FBXO36: variants seen among roughly 807,000 people sequenced by gnomAD.
FBXO36 encodes F-box protein 36, also known as F-box only protein 36.
FBXO36 carries 18 observed loss-of-function variants against 17.0 expected under a neutral mutation model. The ratio of observed to expected loss-of-function variants is 1.06; its 90% CI spans 0.73 to 1.57. The LOEUF (loss-of-function observed/expected upper bound fraction) is 1.57. Ranked by LOEUF, FBXO36 falls within the 40% of genes most tolerant of loss-of-function variation. The probability of loss-of-function intolerance (pLI) is 0.00; values close to 1 mark genes in which losing one functional copy is unlikely to be tolerated. For synonymous variants in FBXO36, 83 were observed against 85.3 expected, an observed-to-expected ratio of 0.97 and a Z score of 0.15; for missense variants, 229 against 221.9, an observed-to-expected ratio of 1.03 and a Z score of -0.20.
At chr2:229,975,893 C>T (rs914590549) in intron 1 of FBXO36, among the ~76,000 whole-genome samples, 2 of 151,846 alleles carry the variant, frequency 1.3e-5, no homozygotes, top group African/African-American at 2.4e-5. Context: ...CTGCAACCTC[C>T]GTCTCTAGTG....
At chr2:229,978,979 C>A (rs2077224214) in intron 2 of FBXO36, among the ~76,000 whole-genome samples, 1 of 151,926 alleles carries the variant, frequency 6.6e-6, no homozygotes, top group African/African-American at 2.4e-5. Context: ...GAGTTTGAGA[C>A]CAGCCTGGCC....
At chr2:229,942,746 T>C (rs2077006326) in intron 1 of FBXO36, 1 of 152,312 alleles carries the variant, frequency 6.6e-6, no homozygotes, top group South Asian at 2.1e-4. Context: ...AAAGGCTCAG[T>C]TCTGAGCCTC....
chr2:229,986,372 G>C (rs535755328), intron 2 of FBXO36, among the ~76,000 whole-genome samples: 1 of 151,962 alleles, frequency 6.6e-6, no homozygotes, highest in Non-Finnish European at 1.5e-5. Context: ...GTGGATTCAC[G>C]TTCACCTGTG....
intron 3 of FBXO36, among the ~76,000 whole-genome samples, chr2:230,008,916 T>C (rs1277789975): frequency 6.6e-6 from 1 of 152,222 alleles, no homozygotes; most frequent in East Asian, 1.9e-4. Flanking sequence ...TATGATTCAG[T>C]GTTGCTGTTT....
chr2:229,958,661 A>G (rs1435588734), intron 1 of FBXO36, among the ~76,000 whole-genome samples: 1 of 152,066 alleles, frequency 6.6e-6, no homozygotes, highest in Non-Finnish European at 1.5e-5. Context: ...ATGTGTTAGA[A>G]TTGTTGGTGT....
chr2:229,976,268 C>T lies in FBXO36; in HGVS notation c.124C>T (p.Leu42=), dbSNP rs760595326. 9.3e-6 allele frequency: 15 copies of T among 1,612,372 alleles called. No homozygotes were observed. The highest frequency in any genetic ancestry group is 1.7e-4 in the Middle Eastern group (1 of 6,050). The change falls in exon 2 of 4, where the codon CTA becomes TTA. Residue 42 remains leucine, a synonymous_variant. Transcript: ENST00000283946. ...AATCTTTAGATGGTGGAAGATCTCTCTAAGGAGTGAGTATCGATCAACAAA... is the reference window on the plus strand; with the variant it reads ...AATCTTTAGATGGTGGAAGATCTCTTTAAGGAGTGAGTATCGATCAACAAA... ...QVIFRWWKIS[L]RSEYRSTKPG...
At chr2:229,933,133 C>G (rs1362407166) in intron 1 of FBXO36, among the ~76,000 whole-genome samples, 2 of 152,168 alleles carry the variant, frequency 1.3e-5, no homozygotes, top group East Asian at 3.9e-4. Context: ...CACGGTGGCT[C>G]ACACCTGTAA....
intron 1 of FBXO36, among the ~76,000 whole-genome samples, chr2:229,933,078 GA>G (rs1166549469): frequency 1.3e-5 from 2 of 152,006 alleles, no homozygotes; most frequent in Admixed American, 1.3e-4. Context: ...CTCAAAAAAA[GA>G]AAAAAATTGA....
rs991496173 is a variant in FBXO36 at position 230,012,221 on chromosome 2, C to T, written c.*1337C>T. 6.6e-6 allele frequency: 1 copy of T among 152,104 alleles called. No individual in the cohort carries two copies. The highest frequency in any genetic ancestry group is 1.5e-5 in the Non-Finnish European group (1 of 68,026). The allele number at this position is 152,104 out of a possible 1,614,324, so 9.4% of individuals were successfully genotyped here. A position where few individuals can be genotyped will look rare whatever the true frequency, so the allele number is the denominator to read the frequency against. On this transcript the variant is annotated 3_prime_UTR_variant, in exon 4 of 4. Transcript: ENST00000283946. ...GAAGTTGTGGACTCTGGCTCTTTGT[C>T]CCACCTAAGTCCTTCCAGAAGGGCT...
At position 229,996,701 on chromosome 2, in the gene FBXO36, A is replaced by T. The variant is rs1239076333; in HGVS notation, c.206-50A>T. ...TTGTATTTCACTGATTGTTATTATAATTTTTATGTGACTGTATATGATAAC... is the reference window on the plus strand; with the variant it reads ...TTGTATTTCACTGATTGTTATTATATTTTTTATGTGACTGTATATGATAAC... On this transcript the variant is annotated intron_variant, in intron 2 of 3. Coordinates refer to ENST00000283946, the MANE Select transcript of FBXO36 (RefSeq NM_174899.5). 3.3e-6 allele frequency: 5 copies of T among 1,531,882 alleles called. No homozygotes were observed. The Admixed American group carries it at 1.0e-4, about 31-fold the overall frequency. 94.9% of individuals were successfully genotyped at this position (1,531,882 alleles called of 1,614,324 possible). A position where few individuals can be genotyped will look rare whatever the true frequency, so the allele number is the denominator to read the frequency against.
At chr2:229,949,532 A>G (rs1464713389) in intron 1 of FBXO36, among the ~76,000 whole-genome samples, 6 of 78,364 alleles carry the variant, frequency 7.7e-5, no homozygotes, top group African/African-American at 2.8e-4. Flanking sequence ...ATTCATGTAA[A>G]ATGTATACAC....
At chr2:229,938,126 C>G (rs576978603) in intron 1 of FBXO36, among the ~76,000 whole-genome samples, 1 of 151,878 alleles carries the variant, frequency 6.6e-6, no homozygotes, top group Non-Finnish European at 1.5e-5. Flanking sequence ...TGCTATCATG[C>G]CCGGCTAATT....
Sources: gnomAD v4.1 joint callset for allele counts (sites outside exome capture counted in the v4.1 genomes callset) on GRCh38, gnomAD v4.1.1 for gene constraint, MANE v1.5 for transcripts, NCBI Gene and HGNC (gene_info 2026-07-23, HGNC 2026-07-21) for gene names.